Variants in SLC6A9 observed in about 807,000 individuals in gnomAD.
SLC6A9 encodes sodium- and chloride-dependent glycine transporter 1.
SLC6A9 carries 31 observed loss-of-function variants against 70.9 expected under a neutral mutation model. That is an observed-to-expected ratio of 0.44 (90% confidence interval 0.33 to 0.59). SLC6A9 has a LOEUF of 0.59. Ranked by LOEUF, SLC6A9 falls within the 20% of genes least tolerant of loss-of-function variation. SLC6A9 has a pLI of 0.04. For synonymous variants in SLC6A9, 310 were observed against 341.3 expected (o/e 0.91, Z 1.01); for missense variants, 631 against 845.2 (o/e 0.75, Z 3.14).
In SLC6A9 at chr1:44,000,939, G is replaced by T. The variant is rs773884577; in HGVS notation, c.1435+17C>A. Reference sequence around the variant, plus strand: ...CCAAGGGCCGGGTCGCGGGAGGCCGGAGGCTCGAGTGCTCACCGTAGATGT... The same window carrying T: ...CCAAGGGCCGGGTCGCGGGAGGCCGTAGGCTCGAGTGCTCACCGTAGATGT... On this transcript the variant is annotated intron_variant, in intron 11 of 13. Coordinates refer to ENST00000372310, the MANE Select transcript of SLC6A9 (RefSeq NM_001024845.3). The T allele has an allele frequency of 6.2e-7, 1 of 1,603,082 alleles. No individual in the cohort carries two copies. The highest frequency in any genetic ancestry group is 1.1e-5 in the South Asian group (1 of 89,484).
chr1:44,027,098 C>T (rs1039168347), intron 1 of SLC6A9, among the ~76,000 whole-genome samples: 2 of 152,128 alleles, frequency 1.3e-5, no homozygotes, highest in Non-Finnish European at 2.9e-5. Flanking sequence ...TTGCCCGTGG[C>T]GTCCAGTCTC....
intron 1 of SLC6A9, among the ~76,000 whole-genome samples, chr1:44,028,393 C>A (rs1459813673): frequency 2.6e-5 from 4 of 152,180 alleles, no homozygotes; most frequent in East Asian, 1.9e-4. Context: ...TTGAAACCAT[C>A]CCCCTAGATA....
At chr1:44,023,357 C>A (rs537031813) in intron 2 of SLC6A9, among the ~76,000 whole-genome samples, 1 of 152,256 alleles carries the variant, frequency 6.6e-6, no homozygotes, top group South Asian at 2.1e-4. Flanking sequence ...AAGAACCTCA[C>A]CCAGGCCGGG....
intron 5 of SLC6A9, among the ~76,000 whole-genome samples, chr1:44,007,142 C>T (rs2154305327): frequency 6.6e-6 from 1 of 152,314 alleles, no homozygotes; most frequent in Admixed American, 6.5e-5. Context: ...TTCCTCTCTC[C>T]CTTCTCTGGG....
In SLC6A9 at chr1:43,997,367, C is replaced by T. The variant is rs1571830791; in HGVS notation, c.*178G>A. 1.6e-6 allele frequency: 1 copy of T among 620,172 alleles called. No individual in the cohort carries two copies. The highest frequency in any genetic ancestry group is 2.0e-5 in the South Asian group (1 of 49,312). The allele number at this position is 620,172 out of a possible 1,614,324, so 38.4% of individuals were successfully genotyped here. On this transcript the variant is annotated 3_prime_UTR_variant, in exon 14 of 14. Coordinates refer to ENST00000372310, the MANE Select transcript of SLC6A9 (RefSeq NM_001024845.3). The surrounding 1 kb of genome is among the most constrained non-coding windows in gnomAD (Gnocchi z 4.4). ...AGCTGCTATCTTGGCATCCAAAGGA[C>T]ATGTAAACACTGGGGACATGAGCAT...
intron 12 of SLC6A9, 94 bp downstream of exon 12, chr1:44,000,673 G>T: frequency 2.5e-6 from 2 of 807,256 alleles, no homozygotes; most frequent in Non-Finnish European, 4.1e-6. Flanking sequence ...CCGGCCAGGT[G>T]CGGGAGCTCC....
intron 5 of SLC6A9, among the ~76,000 whole-genome samples, chr1:44,003,686 T>G (rs1435278753): frequency 6.8e-6 from 1 of 146,136 alleles, no homozygotes; most frequent in Non-Finnish European, 1.5e-5. Flanking sequence ...AGGTGGAGGT[T>G]GCAGGGAGTG....
rs767975291 is a variant in SLC6A9, at chr1:43,998,019, G to A, written c.1543C>T (p.Leu515=). 6.2e-6 allele frequency: 10 copies of A among 1,612,422 alleles called. No homozygotes were observed. The East Asian group carries it at 1.3e-4, about 22-fold the overall frequency. ...TGGTACTGGATCACAGTGAAAACTAGAATAAACTGCACGGGGCAGGTGTGG... is the reference window on the plus strand; with the variant it reads ...TGGTACTGGATCACAGTGAAAACTAAAATAAACTGCACGGGGCAGGTGTGG... ...FVSPAIIFFI[L]VFTVIQYQPI... Residue 515 remains leucine, a synonymous_variant, in exon 13 of 14, where the codon CTA becomes TTA. Coordinates refer to ENST00000372310, the MANE Select transcript of SLC6A9 (RefSeq NM_001024845.3).
At chr1:44,021,252 C>A (rs2086877803) in intron 2 of SLC6A9, among the ~76,000 whole-genome samples, 1 of 152,072 alleles carries the variant, frequency 6.6e-6, no homozygotes, top group South Asian at 2.1e-4. Context: ...ATCCCAGCTG[C>A]TCCCAGGCTT....
intron 12 of SLC6A9, among the ~76,000 whole-genome samples, chr1:44,000,506 A>C (rs951830413): frequency 6.6e-6 from 1 of 152,370 alleles, no homozygotes; most frequent in South Asian, 2.1e-4. Context: ...GGTGCCAGGC[A>C]GGAATGCCTG....
intron 1 of SLC6A9, among the ~76,000 whole-genome samples, chr1:44,029,744 A>G (rs941113149): frequency 3.3e-5 from 5 of 152,158 alleles, no homozygotes; most frequent in Non-Finnish European, 7.3e-5. Flanking sequence ...CTGAGCAGGT[A>G]CAGCCGCAGT....
chr1:43,998,292 G>A (rs527824086), intron 12 of SLC6A9, among the ~76,000 whole-genome samples: 92 of 152,324 alleles, frequency 6.0e-4, no homozygotes, highest in Non-Finnish European at 1.0e-3. Context: ...AGCTGCTGCC[G>A]CCTTTGGAAT....
Position 44,005,907 on chromosome 1 carries a change from C to G in SLC6A9, c.590+2446G>C, listed in dbSNP as rs1201710356. Among the ~76,000 whole-genome samples the G allele has an allele frequency of 2.6e-5, 4 of 152,214 alleles. No homozygotes were observed. The East Asian group carries it at 7.7e-4, about 29-fold the overall frequency. ...GCCAGTTAGGCAGGCCTGGCTCCAG[C>G]CCGCGCTGGGGAGTAGAGTGCAGCG... is the stretch of plus-strand genomic sequence containing the variant. On this transcript the variant is annotated intron_variant, in intron 5 of 13. Transcript: ENST00000372310.
intron 3 of SLC6A9, 148 bp from the exon 4 acceptor site, chr1:44,010,244 G>T: frequency 1.4e-6 from 1 of 709,878 alleles, no homozygotes; most frequent in Non-Finnish European, 2.3e-6. Flanking sequence ...CTGGGCTGAG[G>T]CACACCACCC....
chr1:43,998,416 C>T (rs2085963366), intron 12 of SLC6A9, among the ~76,000 whole-genome samples: 2 of 152,224 alleles, frequency 1.3e-5, no homozygotes, highest in Admixed American at 6.5e-5. Flanking sequence ...GGCCACACTA[C>T]TCCGCCCTCA....
chr1:44,003,097 G>T, intron 5 of SLC6A9, 112 bp from the exon 6 acceptor site: 1 of 1,282,586 alleles, frequency 7.8e-7, no homozygotes, highest in Non-Finnish European at 1.1e-6. Context: ...GGTCCCAGCA[G>T]CCACCTTGTG....
intron 12 of SLC6A9, among the ~76,000 whole-genome samples, chr1:43,998,846 G>A (rs921124070): frequency 6.6e-6 from 1 of 152,166 alleles, no homozygotes; most frequent in Non-Finnish European, 1.5e-5. Flanking sequence ...GTCAGGCTGC[G>A]GTGCTCTAGG....
chr1:44,030,125 AGGCGCGGAGGCCTCCGGCCGGCGGGCAGG>A (rs2087070828), intron 1 of SLC6A9, among the ~76,000 whole-genome samples: 1 of 151,834 alleles, frequency 6.6e-6, no homozygotes, highest in African/African-American at 2.4e-5. Flanking sequence ...CGCCGGCCCG[AGGCGCGGAGGCCTCCGGCCGGCGGGCAGG>A]GGCGCGGTCG....
chr1:44,022,722 C>CTTT lies in SLC6A9; in HGVS notation c.30+1523_30+1525dup, dbSNP rs71307650. 4.2e-5 allele frequency among the ~76,000 whole-genome samples: 5 copies of CTTT among 118,954 alleles called. 1 individual carries two copies. Among genetic ancestry groups the CTTT allele is most frequent in the East Asian group, 2.7e-4 (1 of 3,672 alleles). The allele number at this position is 118,954 out of a possible 152,430, so 78.0% of individuals were successfully genotyped here. ...TTTTTCTTTCTTTCTTTCTTTCTTTCTTTTTTTTTTTTTTGAGACAGAGCC... is the reference window on the plus strand; with the variant it reads ...TTTTTCTTTCTTTCTTTCTTTCTTTCTTTTTTTTTTTTTTTTTGAGACAGAGCC... On this transcript the variant is annotated intron_variant, in intron 2 of 13. Coordinates refer to ENST00000372310, the MANE Select transcript of SLC6A9 (RefSeq NM_001024845.3).
Sources: allele counts gnomAD v4.1 joint callset (sites outside exome capture counted in the v4.1 genomes callset), GRCh38; gene constraint gnomAD v4.1.1; non-coding constraint Gnocchi (gnomAD v3.1); transcripts MANE v1.5; gene names NCBI Gene and HGNC (gene_info 2026-07-23, HGNC 2026-07-21).